The following NYAP2 variants were observed in gnomAD, a reference collection of about 807,000 sequenced individuals.
NYAP2 encodes neuronal tyrosine-phosphorylated phosphoinositide-3-kinase adapter 2.
NYAP2 carries 23 observed loss-of-function variants against 50.4 expected under a neutral mutation model. The ratio of observed to expected loss-of-function variants is 0.46; its 90% confidence interval spans 0.33 to 0.65. The LOEUF (loss-of-function observed/expected upper bound fraction) is 0.65. Among genes scored for constraint, NYAP2 ranks in the 30% least tolerant of loss-of-function variants. The pLI, the probability that NYAP2 is intolerant of heterozygous loss-of-function variation, is 0.02. For missense variants in NYAP2, 885 were observed against 861.0 expected (o/e 1.03, Z -0.35); for synonymous variants, 394 against 365.2 (o/e 1.08, Z -0.90).
At chr2:225,684,759 G>A in the NYAP2 span, among the ~76,000 whole-genome samples, 1 of 152,000 alleles carries the variant, frequency 6.6e-6, no homozygotes, top group Non-Finnish European at 1.5e-5. Context: ...CTATGTTGGT[G>A]AGGCTGGTCT....
rs202186528 is a variant in NYAP2, at chr2:225,533,470, T to C, written c.523+19798T>C. Among the ~76,000 whole-genome samples, 3 of 152,266 alleles carry C rather than the reference T, an allele frequency of 2.0e-5. No individual in the cohort carries two copies. The East Asian group carries it at 5.8e-4, about 29-fold the overall frequency. ...GGAAGGCTAAGGCGGGTGGAGTGCT[T>C]GAGCTCGGGAGTTTGAAACTAGCCT... On this transcript the variant is annotated intron_variant, in intron 4 of 6. Transcript: ENST00000636099.
chr2:225,688,669 T>C, the NYAP2 span, among the ~76,000 whole-genome samples: 1 of 152,208 alleles, frequency 6.6e-6, no homozygotes, highest in East Asian at 1.9e-4. Flanking sequence ...ATATAATAAG[T>C]GATAAAAACC....
chr2:225,544,674 G>A (rs182197061), intron 4 of NYAP2, among the ~76,000 whole-genome samples: 1 of 152,068 alleles, frequency 6.6e-6, no homozygotes, highest in African/African-American at 2.4e-5. Flanking sequence ...TTTTTGATGG[G>A]TTCATTATTT....
intron 5 of NYAP2, among the ~76,000 whole-genome samples, chr2:225,597,410 C>A (rs1692620877): frequency 1.3e-5 from 2 of 149,142 alleles, no homozygotes; most frequent in Admixed American, 1.4e-4. Flanking sequence ...TTTTTCCAAT[C>A]CTGAGTTATT....
intron 3 of NYAP2, among the ~76,000 whole-genome samples, chr2:225,489,193 T>C (rs939463382): frequency 2.7e-5 from 4 of 145,732 alleles, no homozygotes. Context: ...CTTTCTTTCT[T>C]TTATTTATTT....
At chr2:225,559,138 G>A (rs1691825723) in intron 4 of NYAP2, among the ~76,000 whole-genome samples, 2 of 151,920 alleles carry the variant, frequency 1.3e-5, no homozygotes, top group Admixed American at 1.3e-4. Context: ...ATTGTTCCTG[G>A]GAGGAAATGC....
At chr2:225,524,614 A>T (rs1006376105) in intron 4 of NYAP2, among the ~76,000 whole-genome samples, 1 of 152,202 alleles carries the variant, frequency 6.6e-6, no homozygotes, top group African/African-American at 2.4e-5. Context: ...AGGATTAAAG[A>T]TCCAAATATA....
chr2:225,502,123 G>A (rs1429472234), intron 3 of NYAP2, among the ~76,000 whole-genome samples: 1 of 152,214 alleles, frequency 6.6e-6, no homozygotes, highest in Non-Finnish European at 1.5e-5. Context: ...TTAATTTAGA[G>A]AGTGACACGA....
At chr2:225,677,342 T>A in the NYAP2 span, among the ~76,000 whole-genome samples, 1 of 152,178 alleles carries the variant, frequency 6.6e-6, no homozygotes, top group African/African-American at 2.4e-5. Context: ...ATGCATAGAA[T>A]CATATCTTTG....
At chr2:225,650,702 T>C (rs1199983146) in intron 6 of NYAP2, among the ~76,000 whole-genome samples, 1 of 152,212 alleles carries the variant, frequency 6.6e-6, no homozygotes, top group Non-Finnish European at 1.5e-5. Context: ...CTATGACTTG[T>C]TTTTCCTTTG....
At chr2:225,589,149 G>A (rs533528362) in intron 5 of NYAP2, among the ~76,000 whole-genome samples, 1 of 152,148 alleles carries the variant, frequency 6.6e-6, no homozygotes, top group South Asian at 2.1e-4. Flanking sequence ...CTGAGAAGCA[G>A]CCTCTCAACT....
chr2:225,580,897 T>C lies in NYAP2; in HGVS notation c.524-1044T>C, dbSNP rs985579715. 3.3e-5 allele frequency among the ~76,000 whole-genome samples: 5 copies of C among 152,280 alleles called. No individual in the cohort carries two copies. The East Asian group carries it at 9.7e-4, about 29-fold the overall frequency. On this transcript the variant is annotated intron_variant, in intron 4 of 6. Transcript: ENST00000636099. ...ACTCACTATATGCTACTATCTTCTGTAAGCAACCACATTCTGCTACATTGC... is the reference window on the plus strand; with the variant it reads ...ACTCACTATATGCTACTATCTTCTGCAAGCAACCACATTCTGCTACATTGC...
At chr2:225,547,620 C>A (rs1195463519) in intron 4 of NYAP2, among the ~76,000 whole-genome samples, 1 of 152,216 alleles carries the variant, frequency 6.6e-6, no homozygotes, top group Admixed American at 6.5e-5. Flanking sequence ...AAGGAACCCA[C>A]AATCACTATA....
chr2:225,459,116 G>A (rs1689784003), intron 3 of NYAP2, among the ~76,000 whole-genome samples: 1 of 152,158 alleles, frequency 6.6e-6, no homozygotes, highest in Non-Finnish European at 1.5e-5. Flanking sequence ...ATCATACTGT[G>A]TTATATGGAT....
At chr2:225,542,463 G>GT (rs1479758054) in intron 4 of NYAP2, among the ~76,000 whole-genome samples, 9 of 151,962 alleles carry the variant, frequency 5.9e-5, no homozygotes, top group Non-Finnish European at 1.2e-4. Flanking sequence ...AGTTTTTTGA[G>GT]TTTTTTAAAT....
intron 3 of NYAP2, among the ~76,000 whole-genome samples, chr2:225,463,998 C>G (rs1185168292): frequency 1.3e-5 from 2 of 152,154 alleles, no homozygotes; most frequent in Admixed American, 6.5e-5. Flanking sequence ...TTTTTAAATG[C>G]TGTCTCAGAT....
chr2:225,582,322 C>T lies in NYAP2; in HGVS notation c.905C>T (p.Pro302Leu). The change falls in exon 5 of 7, where the codon CCT (proline) becomes CTT (leucine). Residue 302 changes from proline to leucine, a missense_variant. Transcript: ENST00000636099. This position sits in a 1 kb window ranked among gnomAD's most constrained non-coding sequence, Gnocchi z 7.0. Reference sequence around the variant, plus strand: ...TCGCAGTGTGCTACTCCCACGGTGCCTGACTTGGACTTCGCCAAGGCCTCA... The same window carrying T: ...TCGCAGTGTGCTACTCCCACGGTGCTTGACTTGGACTTCGCCAAGGCCTCA... The T allele has an allele frequency of 6.2e-7, 1 of 1,614,028 alleles. No homozygotes were observed. Among genetic ancestry groups the T allele is most frequent in the Non-Finnish European group, 8.5e-7 (1 of 1,179,878 alleles).
intron 3 of NYAP2, among the ~76,000 whole-genome samples, chr2:225,413,779 T>C (rs1276549873): frequency 6.6e-6 from 1 of 152,310 alleles, no homozygotes; most frequent in East Asian, 1.9e-4. Context: ...GTCTAATTAC[T>C]TAAAATTATG....
In NYAP2 at chr2:225,582,053, C is replaced by G. The variant is rs762889252; in HGVS notation, c.636C>G (p.Ile212Met). ...GCACATCTTTCGATGAAACGTACAT[C>G]AAAAAGCATGGGCCCCGGAGGACGT... Residue 212 changes from isoleucine (I) to methionine (M), a missense_variant, in exon 5 of 7, where the codon ATC becomes ATG. Ile to Met is a conservative substitution (Grantham distance 10). Transcript: ENST00000636099. The surrounding 1 kb of genome is among the most constrained non-coding windows in gnomAD (Gnocchi z 7.0). The G allele has an allele frequency of 6.2e-7, 1 of 1,614,016 alleles. No individual in the cohort carries two copies. Among genetic ancestry groups the G allele is most frequent in the Non-Finnish European group, 8.5e-7 (1 of 1,179,890 alleles).
Sources: gnomAD v4.1 joint callset for allele counts (sites outside exome capture counted in the v4.1 genomes callset) on GRCh38, gnomAD v4.1.1 for gene constraint, Gnocchi (gnomAD v3.1) non-coding constraint, MANE v1.5 for transcripts, NCBI Gene and HGNC (gene_info 2026-07-23, HGNC 2026-07-21) for gene names.